Variants in SOX6 observed in about 807,000 individuals in gnomAD.
SOX6 encodes transcription factor SOX-6.
In SOX6, 11 loss-of-function variants were observed where a neutral mutation model predicts 97.8. The ratio of observed to expected loss-of-function variants is 0.11; its 90% confidence interval spans 0.07 to 0.19. The LOEUF (loss-of-function observed/expected upper bound fraction) is 0.19. Among genes scored for constraint, SOX6 ranks in the 10% least tolerant of loss-of-function variants. SOX6 has a pLI of 1.00. For synonymous variants in SOX6, 360 were observed against 371.4 expected (o/e 0.97, Z 0.35); for missense variants, 810 against 1,039.5 (o/e 0.78, Z 3.04).
chr11:16,513,121 T>C (rs953349643), intron 4 of SOX6, among the ~76,000 whole-genome samples: 1 of 152,176 alleles, frequency 6.6e-6, no homozygotes, highest in Non-Finnish European at 1.5e-5. Context: ...GGTTAGAAAG[T>C]GATAGAGACA....
At chr11:16,098,602 T>C (rs1332504000) in intron 7 of SOX6, among the ~76,000 whole-genome samples, 1 of 151,874 alleles carries the variant, frequency 6.6e-6, no homozygotes, top group Non-Finnish European at 1.5e-5. Flanking sequence ...TAAAAATTAG[T>C]ATGTGTGGAT....
intron 12 of SOX6, among the ~76,000 whole-genome samples, chr11:16,028,498 A>T (rs886688206): frequency 8.5e-5 from 13 of 152,242 alleles, no homozygotes; most frequent in Non-Finnish European, 1.5e-4. Flanking sequence ...GTTAGGCTCT[A>T]AGGGAAACCA....
At chr11:16,693,997 C>T (rs1280277491) in intron 3 of SOX6, among the ~76,000 whole-genome samples, 1 of 152,158 alleles carries the variant, frequency 6.6e-6, no homozygotes, top group African/African-American at 2.4e-5. Context: ...ATTCTCCTAG[C>T]TGAGCATTAC....
chr11:16,206,046 G>GA (rs145647774), intron 4 of SOX6, among the ~76,000 whole-genome samples: 50 of 143,784 alleles, frequency 3.5e-4, no homozygotes, highest in South Asian at 1.1e-3. Flanking sequence ...GGTAGCATTA[G>GA]AAAAAAAAAA....
At position 16,559,928 on chromosome 11, in the gene SOX6, T is replaced by C. The variant is rs542445268; in HGVS notation, n.609+52153A>G. ...CAAATGCATTTCTACAAGGCCTATTTTAATTAAACCAAATGTTTGAAATTT... is the reference window on the plus strand; with the variant it reads ...CAAATGCATTTCTACAAGGCCTATTCTAATTAAACCAAATGTTTGAAATTT... On this transcript the variant is annotated intron_variant and non_coding_transcript_variant, in intron 4 of 5. Transcript: ENST00000524520. Among the ~76,000 whole-genome samples, 10 of 152,280 alleles carry C rather than the reference T, an allele frequency of 6.6e-5. No homozygotes were observed. In the East Asian group the frequency reaches 1.5e-3, roughly 24 times the overall value.
intron 3 of SOX6, among the ~76,000 whole-genome samples, chr11:16,618,082 T>A (rs531640421): frequency 2.0e-5 from 3 of 151,994 alleles, no homozygotes; most frequent in East Asian, 3.9e-4. Flanking sequence ...TCTTAGTATA[T>A]CACTGTGAGA....
chr11:16,630,763 G>A (rs1029629130), intron 3 of SOX6, among the ~76,000 whole-genome samples: 2 of 152,182 alleles, frequency 1.3e-5, no homozygotes, highest in Non-Finnish European at 2.9e-5. Context: ...GAATCTGAGT[G>A]CTCCACCATT....
At chr11:16,419,589 C>A (rs1162494763) in intron 1 of SOX6, among the ~76,000 whole-genome samples, 1 of 151,924 alleles carries the variant, frequency 6.6e-6, no homozygotes, top group African/African-American at 2.4e-5. Flanking sequence ...ATTGTTTTTG[C>A]AATTTCTTAC....
intron 5 of SOX6, among the ~76,000 whole-genome samples, chr11:16,184,186 C>T (rs574143380): frequency 4.6e-5 from 7 of 152,200 alleles, no homozygotes; most frequent in African/African-American, 1.7e-4. Context: ...TATTTGTGAG[C>T]TATTCACCTA....
At chr11:16,074,491 T>C (rs540564650) in intron 9 of SOX6, among the ~76,000 whole-genome samples, 7 of 152,290 alleles carry the variant, frequency 4.6e-5, no homozygotes, top group African/African-American at 1.7e-4. Flanking sequence ...TACAGATGGA[T>C]TCACAGCTGA....
intron 12 of SOX6, among the ~76,000 whole-genome samples, chr11:16,032,442 A>C (rs1485839023): frequency 6.6e-6 from 1 of 152,168 alleles, no homozygotes; most frequent in Non-Finnish European, 1.5e-5. Flanking sequence ...AATTATTTCA[A>C]ATTTTCATGT....
intron 13 of SOX6, among the ~76,000 whole-genome samples, chr11:15,991,436 C>A (rs1375653600): frequency 6.6e-6 from 1 of 152,206 alleles, no homozygotes; most frequent in East Asian, 1.9e-4. Flanking sequence ...ACGACAGTGT[C>A]TTCTCCTGAG....
intron 6 of SOX6, among the ~76,000 whole-genome samples, chr11:16,159,373 C>A (rs900919153): frequency 2.6e-5 from 4 of 152,176 alleles, no homozygotes; most frequent in Non-Finnish European, 4.4e-5. Context: ...TACCTTATTT[C>A]TCAACATTTT....
In SOX6 at chr11:16,389,969, TAAAAAAAA is replaced by T. The variant is rs536056301; in HGVS notation, c.-4-48725_-4-48718del. Among the ~76,000 whole-genome samples the T allele has an allele frequency of 1.6e-3, 68 of 41,856 alleles. No individual in the cohort carries two copies. In the South Asian group the frequency reaches 0.032, roughly 20 times the overall value. 27.5% of individuals were successfully genotyped at this position (41,856 alleles called of 152,430 possible). ...TGGGCGACAGGGCAAGACTCCGTCT[TAAAAAAAA>T]AAAAAAAAAAAAAAAAAAAGAAGCT... is the stretch of plus-strand genomic sequence containing the variant. On this transcript the variant is annotated intron_variant, in intron 1 of 15. Coordinates refer to the SOX6 transcript ENST00000396356.
At chr11:16,330,460 G>A (rs2134322717) in intron 2 of SOX6, among the ~76,000 whole-genome samples, 1 of 152,262 alleles carries the variant, frequency 6.6e-6, no homozygotes, top group East Asian at 1.9e-4. Context: ...GAGAGGCTGA[G>A]GCAGGAGAAT....
chr11:16,245,216 G>A (rs1028899435), intron 3 of SOX6, among the ~76,000 whole-genome samples: 2 of 151,498 alleles, frequency 1.3e-5, no homozygotes, highest in Non-Finnish European at 3.0e-5. Context: ...GAAATATGTG[G>A]TTTAATTGCC....
intron 1 of SOX6, among the ~76,000 whole-genome samples, chr11:16,420,763 A>T (rs149591818): frequency 9.2e-5 from 14 of 152,280 alleles, no homozygotes; most frequent in African/African-American, 3.4e-4. Flanking sequence ...ATTAAGATGT[A>T]ACTCATCCTT....
intron 6 of SOX6, among the ~76,000 whole-genome samples, chr11:16,148,598 G>A (rs1298064227): frequency 6.6e-6 from 1 of 152,056 alleles, no homozygotes; most frequent in Non-Finnish European, 1.5e-5. Context: ...AACAAAAAAG[G>A]CACTTTTTTC....
chr11:16,099,738 G>A lies in SOX6; in HGVS notation c.899-2050C>T, dbSNP rs1424149341. Among the ~76,000 whole-genome samples the A allele has an allele frequency of 4.2e-5, 6 of 141,280 alleles. No homozygotes were observed. The Admixed American group carries it at 4.3e-4, about 10-fold the overall frequency. The allele number at this position is 141,280 out of a possible 152,430, so 92.7% of individuals were successfully genotyped here. A position where few individuals can be genotyped will look rare whatever the true frequency, so the allele number is the denominator to read the frequency against. On this transcript the variant is annotated intron_variant, in intron 7 of 15. Coordinates refer to ENST00000683767, the MANE Select transcript of SOX6 (RefSeq NM_001367873.1). ...TTTTTTTTTTTACAGCTTTTGGCTT[G>A]CCAGTTAATTTATTACTATCTCTAC...
Sources: gnomAD v4.1 joint callset for allele counts (sites outside exome capture counted in the v4.1 genomes callset) on GRCh38, gnomAD v4.1.1 for gene constraint, MANE v1.5 for transcripts, NCBI Gene and HGNC (gene_info 2026-07-23, HGNC 2026-07-21) for gene names.